ARHGAP15: variants seen among roughly 807,000 people sequenced by gnomAD.
ARHGAP15 encodes rho GTPase-activating protein 15.
In ARHGAP15, 51 loss-of-function variants were observed where a neutral mutation model predicts 63.7. That is an observed-to-expected ratio of 0.80 (90% CI 0.64 to 1.01). The LOEUF (loss-of-function observed/expected upper bound fraction) is 1.01. Among genes scored for constraint, ARHGAP15 ranks in the 50% least tolerant of loss-of-function variants. ARHGAP15 has a pLI of 0.00. For missense variants in ARHGAP15, 560 were observed against 564.6 expected (o/e 0.99, Z 0.08); for synonymous variants, 191 against 193.8 (o/e 0.99, Z 0.12).
chr2:143,188,801 T>A (rs958924874), intron 2 of ARHGAP15, among the ~76,000 whole-genome samples: 1 of 151,974 alleles, frequency 6.6e-6, no homozygotes, highest in African/African-American at 2.4e-5. Flanking sequence ...TTTTTTTGTA[T>A]CTTTAGTAGA....
chr2:143,268,990 GAAATA>G (rs1260481194), intron 6 of ARHGAP15, among the ~76,000 whole-genome samples: 3 of 152,052 alleles, frequency 2.0e-5, no homozygotes, highest in African/African-American at 7.2e-5. Flanking sequence ...GATTCTCAAG[GAAATA>G]AAATGTTTTC....
At position 143,331,457 on chromosome 2, in the gene ARHGAP15, T is replaced by C. The variant is rs1388809773; in HGVS notation, c.474+80857T>C. ...TGTCCACTTTTCAGAGCAGGAACAG[T>C]GTCTGGTACATGATTTGTTTTGTTA... On this transcript the variant is annotated intron_variant, in intron 6 of 13. Coordinates refer to ENST00000295095, the MANE Select transcript of ARHGAP15 (RefSeq NM_018460.4). Among the ~76,000 whole-genome samples the C allele has an allele frequency of 2.6e-5, 4 of 152,310 alleles. No individual in the cohort carries two copies. In the East Asian group the frequency reaches 7.7e-4, roughly 29 times the overall value.
intron 12 of ARHGAP15, among the ~76,000 whole-genome samples, chr2:143,670,871 A>C (rs1008581252): frequency 6.6e-6 from 1 of 152,232 alleles, no homozygotes; most frequent in African/African-American, 2.4e-5. Context: ...ATCTCTGTTT[A>C]ATCAGCAGGT....
intron 3 of ARHGAP15, among the ~76,000 whole-genome samples, chr2:143,212,143 A>G (rs933842114): frequency 6.6e-6 from 1 of 152,122 alleles, no homozygotes; most frequent in African/African-American, 2.4e-5. Context: ...TTCTCATAAA[A>G]AAAAATGCAG....
intron 13 of ARHGAP15, among the ~76,000 whole-genome samples, chr2:143,759,225 A>G (rs573764462): frequency 6.6e-6 from 1 of 152,098 alleles, no homozygotes. Flanking sequence ...TTGCTCCTAA[A>G]TGGGGAACCA....
At chr2:143,146,944 A>G (rs1384251100) in intron 1 of ARHGAP15, among the ~76,000 whole-genome samples, 1 of 152,080 alleles carries the variant, frequency 6.6e-6, no homozygotes, top group East Asian at 1.9e-4. Context: ...AATTACTGTC[A>G]AGTACTAATT....
intron 6 of ARHGAP15, among the ~76,000 whole-genome samples, chr2:143,353,162 C>T (rs1252733973): frequency 6.6e-6 from 1 of 152,016 alleles, no homozygotes; most frequent in African/African-American, 2.4e-5. Context: ...CCTGGTGGCA[C>T]ATGTTTGTAG....
intron 12 of ARHGAP15, among the ~76,000 whole-genome samples, chr2:143,634,668 C>G (rs559725369): frequency 2.6e-4 from 39 of 152,290 alleles, no homozygotes; most frequent in African/African-American, 9.4e-4. Context: ...CGGCCATCTT[C>G]ATTCTGCTTT....
chr2:143,665,217 C>G (rs373175701), intron 12 of ARHGAP15, among the ~76,000 whole-genome samples: 54 of 132,218 alleles, frequency 4.1e-4, no homozygotes, highest in South Asian at 1.8e-3. Context: ...AGCTTATCCA[C>G]CATGATCAAG....
chr2:143,225,324 G>C (rs868275963), intron 4 of ARHGAP15, among the ~76,000 whole-genome samples: 2 of 152,064 alleles, frequency 1.3e-5, no homozygotes, highest in Admixed American at 6.5e-5. Context: ...AACAGCGGCC[G>C]GGCGCGGTGG....
chr2:143,329,102 C>G (rs981161471), intron 6 of ARHGAP15, among the ~76,000 whole-genome samples: 4 of 152,228 alleles, frequency 2.6e-5, no homozygotes, highest in African/African-American at 9.6e-5. Flanking sequence ...AGTAACTTTA[C>G]TATGCTCAAG....
chr2:143,532,016 C>A (rs1574588319), intron 10 of ARHGAP15, among the ~76,000 whole-genome samples: 1 of 152,116 alleles, frequency 6.6e-6, no homozygotes, highest in Non-Finnish European at 1.5e-5. Context: ...ATACAGGAGA[C>A]AATGCATGTT....
At chr2:143,406,701 T>G (rs530425925) in intron 6 of ARHGAP15, among the ~76,000 whole-genome samples, 1 of 152,136 alleles carries the variant, frequency 6.6e-6, no homozygotes, top group South Asian at 2.1e-4. Flanking sequence ...AGACTACTTC[T>G]ATGGTAGCAC....
chr2:143,333,070 C>A (rs868542399), intron 6 of ARHGAP15, among the ~76,000 whole-genome samples: 20 of 151,458 alleles, frequency 1.3e-4, no homozygotes, highest in Middle Eastern at 6.9e-3. Flanking sequence ...GCAACCTGAC[C>A]AGACATATTC....
chr2:143,323,899 A>AG (rs1684134176), intron 6 of ARHGAP15, among the ~76,000 whole-genome samples: 1 of 136,062 alleles, frequency 7.3e-6, no homozygotes, highest in South Asian at 2.4e-4. Flanking sequence ...CGTCTCAAAA[A>AG]AAAAAAAAAA....
chr2:143,619,180 G>T (rs1389938649), intron 11 of ARHGAP15, among the ~76,000 whole-genome samples: 1 of 152,022 alleles, frequency 6.6e-6, no homozygotes, highest in Non-Finnish European at 1.5e-5. Flanking sequence ...ACCTACTATG[G>T]CTATCAAAGG....
At chr2:143,240,415 G>A (rs1200851431) in intron 5 of ARHGAP15, among the ~76,000 whole-genome samples, 1 of 152,108 alleles carries the variant, frequency 6.6e-6, no homozygotes, top group Non-Finnish European at 1.5e-5. Context: ...ATGAATTATT[G>A]AGTATTCCGT....
chr2:143,675,000 T>C (rs753472354), intron 12 of ARHGAP15, among the ~76,000 whole-genome samples: 7 of 152,186 alleles, frequency 4.6e-5, no homozygotes, highest in Non-Finnish European at 8.8e-5. Flanking sequence ...TGCCGCTTGA[T>C]AGCATTTTAC....
Position 143,699,495 on chromosome 2 carries a change from T to G in ARHGAP15, c.1139-3924T>G, listed in dbSNP as rs539901733. Among the ~76,000 whole-genome samples the G allele has an allele frequency of 2.0e-5, 3 of 152,320 alleles. No homozygotes were observed. In the East Asian group the frequency reaches 5.8e-4, roughly 29 times the overall value. On this transcript the variant is annotated intron_variant, in intron 12 of 13. Coordinates refer to ENST00000295095, the MANE Select transcript of ARHGAP15 (RefSeq NM_018460.4). ...AAATATTTCTATAAAATATTCTTCA[T>G]GTAGAATGTTTCTTATAGGCAAACT...
Sources: gnomAD v4.1 joint callset for allele counts (sites outside exome capture counted in the v4.1 genomes callset) on GRCh38, gnomAD v4.1.1 for gene constraint, MANE v1.5 for transcripts, NCBI Gene and HGNC (gene_info 2026-07-23, HGNC 2026-07-21) for gene names.